Variants in ODAD4 observed in about 807,000 individuals in gnomAD.
ODAD4 encodes the protein outer dynein arm-docking complex subunit 4.
In ODAD4, 49 loss-of-function variants were observed where a neutral mutation model predicts 51.8. The ratio of observed to expected loss-of-function variants is 0.95; its 90% confidence interval spans 0.75 to 1.20. The LOEUF (loss-of-function observed/expected upper bound fraction) is 1.20, where lower values mean the gene tolerates loss of function less well. Ranked by LOEUF, ODAD4 falls within the 50% of genes most tolerant of loss-of-function variation. The pLI is 0.00. For synonymous variants in ODAD4, 235 were observed against 221.3 expected (o/e 1.06, Z -0.55); for missense variants, 590 against 586.5 (o/e 1.01, Z -0.06).
Position 41,945,080 on chromosome 17 carries a change from C to T in ODAD4, c.1059-56C>T, listed in dbSNP as rs555723540. ...GTCTTTGCCTTCTTTCCTATTTCCA[C>T]AGTGCCTAGAACAGCTGATTTCTAG... On this transcript the variant is annotated intron_variant, in intron 7 of 11. Coordinates refer to ENST00000377540, the MANE Select transcript of ODAD4 (RefSeq NM_031421.5). The T allele has an allele frequency of 1.2e-5, 17 of 1,407,486 alleles. No individual in the cohort carries two copies. The East Asian group carries it at 2.1e-4, about 17-fold the overall frequency. The allele number at this position is 1,407,486 out of a possible 1,614,324, so 87.2% of individuals were successfully genotyped here.
chr17:41,956,581 A>T (rs548744670), intron 10 of ODAD4, among the ~76,000 whole-genome samples: 36 of 149,822 alleles, frequency 2.4e-4, no homozygotes, highest in African/African-American at 8.8e-4. Flanking sequence ...CAACATGGCG[A>T]AACCCTATCT....
chr17:41,934,798 T>C (rs1365168090), intron 1 of ODAD4, among the ~76,000 whole-genome samples: 1 of 152,210 alleles, frequency 6.6e-6, no homozygotes, highest in Admixed American at 6.5e-5. Flanking sequence ...GAAATTTGCT[T>C]TGAGTATGAT....
chr17:41,934,315 A>G (rs1348525280), intron 1 of ODAD4, among the ~76,000 whole-genome samples: 2 of 150,908 alleles, frequency 1.3e-5, no homozygotes, highest in Non-Finnish European at 2.9e-5. Flanking sequence ...TTCTGGGATT[A>G]CAGGTGTGAG....
intron 1 of ODAD4, among the ~76,000 whole-genome samples, chr17:41,932,305 G>A (rs1555637030): frequency 1.3e-5 from 2 of 151,792 alleles, no homozygotes; most frequent in Non-Finnish European, 2.9e-5. Context: ...CCCACCTCAG[G>A]TGATCCCCCC....
At chr17:41,954,338 T>C in intron 9 of ODAD4, among the ~76,000 whole-genome samples, 1 of 151,988 alleles carries the variant, frequency 6.6e-6, no homozygotes, top group Non-Finnish European at 1.5e-5. Context: ...AGGGCTCAAA[T>C]CAATCACTCA....
intron 7 of ODAD4, among the ~76,000 whole-genome samples, chr17:41,943,242 T>C (rs2050531736): frequency 1.3e-5 from 2 of 152,204 alleles, no homozygotes; most frequent in African/African-American, 4.8e-5. Context: ...AGCAGTTCCT[T>C]GCTATTTTTT....
chr17:41,941,753 C>T (rs1391006061), intron 7 of ODAD4, among the ~76,000 whole-genome samples: 4 of 130,638 alleles, frequency 3.1e-5, no homozygotes, highest in Non-Finnish European at 6.3e-5. Context: ...GGCGACAGAG[C>T]GAGACTCCGT....
intron 9 of ODAD4, among the ~76,000 whole-genome samples, chr17:41,951,883 C>CAAAAA (rs55769009): frequency 5.6e-5 from 2 of 35,544 alleles, no homozygotes; most frequent in African/African-American, 9.6e-5. Flanking sequence ...GACTCTGTCG[C>CAAAAA]AAAAAAAAAA....
chr17:41,941,975 T>C (rs989150139), intron 7 of ODAD4, among the ~76,000 whole-genome samples: 1 of 152,178 alleles, frequency 6.6e-6, no homozygotes, highest in African/African-American at 2.4e-5. Context: ...AGTTTCACTC[T>C]TCTTGCCCAG....
intron 7 of ODAD4, among the ~76,000 whole-genome samples, chr17:41,940,327 A>C (rs1303010354): frequency 6.6e-6 from 1 of 152,106 alleles, no homozygotes; most frequent in African/African-American, 2.4e-5. Flanking sequence ...TGGGCCCCTC[A>C]CTGCCTGCAG....
chr17:41,959,298 C>T (rs2050774245), intron 10 of ODAD4, among the ~76,000 whole-genome samples: 1 of 152,238 alleles, frequency 6.6e-6, no homozygotes, highest in Non-Finnish European at 1.5e-5. Flanking sequence ...TCCTTAAGCC[C>T]TTCCCACAGC....
At position 41,935,622 on chromosome 17, in the gene ODAD4, A is replaced by G. The variant is rs375473709; in HGVS notation, c.270A>G (p.Thr90=). ...AGGGGATTTTGCAAAAGGCTGAGAC[A>G]CTGTACACCATGGGAGACTTTGAGT... ...FCKGILQKAE[T]LYTMGDFEFA... The change falls in exon 3 of 12, where the codon ACA becomes ACG. Residue 90 remains threonine, a synonymous_variant. Transcript: ENST00000377540. 2.2e-5 allele frequency: 36 copies of G among 1,612,930 alleles called. No homozygotes were observed. Among genetic ancestry groups the G allele is most frequent in the African/African-American group, 8.0e-5 (6 of 74,930 alleles).
rs1555636565 is a variant in ODAD4, at chr17:41,930,680, T to C, written c.-44T>C. 7.6e-7 allele frequency: 1 copy of C among 1,318,808 alleles called. No individual in the cohort carries two copies. The highest frequency in any genetic ancestry group is 1.9e-5 in the Admixed American group (1 of 51,802). The allele number at this position is 1,318,808 out of a possible 1,614,324, so 81.7% of individuals were successfully genotyped here. ...CAAACCAGATAGAGGTTCTCCAGCT[T>C]TTCTTTGATTGTCTCTGCTTTAGCG... On this transcript the variant is annotated 5_prime_UTR_variant, in exon 1 of 12. Transcript: ENST00000377540.
intron 11 of ODAD4, among the ~76,000 whole-genome samples, chr17:41,962,256 A>C (rs1753578166): frequency 6.6e-6 from 1 of 152,150 alleles, no homozygotes. Context: ...CACTCTCCCC[A>C]CCTGCGGCGC....
At chr17:41,949,627 A>C (rs1209490955) in intron 9 of ODAD4, among the ~76,000 whole-genome samples, 1 of 151,926 alleles carries the variant, frequency 6.6e-6, no homozygotes, top group Non-Finnish European at 1.5e-5. Flanking sequence ...AACAGTGCCC[A>C]TGTATTGAGC....
intron 7 of ODAD4, 117 bp from the exon 8 acceptor site, chr17:41,945,019 C>A: frequency 1.3e-6 from 1 of 761,084 alleles, no homozygotes; most frequent in South Asian, 1.7e-5. Context: ...ATTGTCCCTC[C>A]AACTGAAACC....
At position 41,965,144 on chromosome 17, in the gene ODAD4, G is replaced by A. The variant is rs782758510; in HGVS notation, c.1680G>A (p.Gln560=). 7.8e-6 allele frequency: 6 copies of A among 773,492 alleles called. 1 individual carries two copies. The South Asian group carries it at 8.2e-5, about 11-fold the overall frequency. The allele number at this position is 773,492 out of a possible 1,614,324, so 47.9% of individuals were successfully genotyped here. ...ATGAGGCTTTTGGGGAAGCTCTGCA[G>A]AGCCCAGCAAGCGGAAAGCAGAGTG... is the stretch of plus-strand genomic sequence containing the variant. ...EDDEAFGEAL[Q]SPASGKQSVE... is the part of the protein sequence containing the mutation. Residue 560 remains glutamine (Q), a synonymous_variant, in exon 12 of 12, where the codon CAG becomes CAA. Coordinates refer to ENST00000377540, the MANE Select transcript of ODAD4 (RefSeq NM_031421.5).
At chr17:41,960,698 T>C (rs2050794305) in intron 10 of ODAD4, among the ~76,000 whole-genome samples, 1 of 152,148 alleles carries the variant, frequency 6.6e-6, no homozygotes, top group South Asian at 2.1e-4. Context: ...CTCACCCTCC[T>C]GGATTGGCAA....
intron 8 of ODAD4, 90 bp downstream of exon 8, chr17:41,945,312 G>T (rs2050570860): frequency 2.3e-6 from 2 of 875,092 alleles, no homozygotes; most frequent in Non-Finnish European, 1.7e-6. Flanking sequence ...TAAGAATCCA[G>T]CCTGGGCAAC....
Sources: allele counts gnomAD v4.1 joint callset (sites outside exome capture counted in the v4.1 genomes callset), GRCh38; gene constraint gnomAD v4.1.1; transcripts MANE v1.5; gene names NCBI Gene and HGNC (gene_info 2026-07-23, HGNC 2026-07-21).